GUCY1A2: variants seen among roughly 807,000 people sequenced by gnomAD.
GUCY1A2 encodes guanylate cyclase soluble subunit alpha-2.
A neutral mutation model predicts 63.5 loss-of-function variants in GUCY1A2; 27 were observed. The ratio of observed to expected loss-of-function variants is 0.43; its 90% CI spans 0.31 to 0.59. GUCY1A2 has a LOEUF of 0.59. Among genes scored for constraint, GUCY1A2 ranks in the 20% least tolerant of loss-of-function variants. The probability of loss-of-function intolerance (pLI) is 0.11; values close to 1 mark genes in which losing one functional copy is unlikely to be tolerated. For missense variants in GUCY1A2, 768 were observed against 913.3 expected (o/e 0.84, Z 2.05); for synonymous variants, 364 against 343.5 (o/e 1.06, Z -0.66).
chr11:106,769,163 G>A (rs1864213048), intron 6 of GUCY1A2, among the ~76,000 whole-genome samples: 1 of 152,070 alleles, frequency 6.6e-6, no homozygotes, highest in South Asian at 2.1e-4. Context: ...TAGTCACACA[G>A]GAAACAAGTA....
At chr11:106,769,651 C>T (rs1864221575) in intron 6 of GUCY1A2, among the ~76,000 whole-genome samples, 1 of 152,056 alleles carries the variant, frequency 6.6e-6, no homozygotes. Context: ...TCACCAGTAA[C>T]ATTATACGGT....
At chr11:106,964,775 C>G (rs569412136) in intron 3 of GUCY1A2, among the ~76,000 whole-genome samples, 1 of 152,098 alleles carries the variant, frequency 6.6e-6, no homozygotes, top group Non-Finnish European at 1.5e-5. Context: ...GTCAGGAGAT[C>G]GAGACCATCC....
intron 6 of GUCY1A2, among the ~76,000 whole-genome samples, chr11:106,747,063 C>A (rs571593508): frequency 6.6e-6 from 1 of 152,302 alleles, no homozygotes; most frequent in African/African-American, 2.4e-5. Context: ...TCTTGGCTCA[C>A]TGCAAGCTCC....
At chr11:106,750,830 G>A (rs1472922820) in intron 6 of GUCY1A2, among the ~76,000 whole-genome samples, 1 of 149,430 alleles carries the variant, frequency 6.7e-6, no homozygotes, top group Non-Finnish European at 1.5e-5. Context: ...CTTTTCTCTT[G>A]CGAAATCTTT....
intron 4 of GUCY1A2, among the ~76,000 whole-genome samples, chr11:106,870,357 T>G (rs946882710): frequency 1.3e-5 from 2 of 152,126 alleles, no homozygotes; most frequent in African/African-American, 4.8e-5. Flanking sequence ...TGAATTTGAT[T>G]AGTTTTGTGG....
chr11:106,693,662 T>A (rs576301246), intron 7 of GUCY1A2, among the ~76,000 whole-genome samples: 1 of 152,280 alleles, frequency 6.6e-6, no homozygotes, highest in East Asian at 1.9e-4. Flanking sequence ...TTTTCCTTTT[T>A]CTCGAATTAT....
intron 3 of GUCY1A2, among the ~76,000 whole-genome samples, chr11:106,941,781 G>A (rs1235064434): frequency 6.6e-6 from 1 of 152,194 alleles, no homozygotes; most frequent in African/African-American, 2.4e-5. Flanking sequence ...AAAACTTCTG[G>A]TAGCCAAGAA....
intron 4 of GUCY1A2, among the ~76,000 whole-genome samples, chr11:106,906,577 G>A (rs1042921059): frequency 2.6e-5 from 4 of 151,954 alleles, no homozygotes; most frequent in Admixed American, 6.6e-5. Context: ...CCAGAAATCC[G>A]GTTACTGGGT....
chr11:106,770,815 T>A (rs1395377165), intron 6 of GUCY1A2, among the ~76,000 whole-genome samples: 2 of 130,748 alleles, frequency 1.5e-5, no homozygotes, highest in African/African-American at 2.9e-5. Context: ...GCAGTAATAC[T>A]AATGTGTTTA....
At chr11:106,821,620 C>G (rs1858904240) in intron 4 of GUCY1A2, among the ~76,000 whole-genome samples, 1 of 152,074 alleles carries the variant, frequency 6.6e-6, no homozygotes, top group South Asian at 2.1e-4. Context: ...AAATTCTACA[C>G]TTTTTTCAAG....
At chr11:106,986,260 C>A in intron 1 of GUCY1A2, 129 bp from the exon 2 acceptor site, 4 of 554,368 alleles carry the variant, frequency 7.2e-6, no homozygotes, top group South Asian at 5.3e-5. Context: ...CAGTATTAAC[C>A]CATTTTGCAT....
At chr11:106,982,329 G>A (rs1384640098) in intron 2 of GUCY1A2, among the ~76,000 whole-genome samples, 2 of 152,114 alleles carry the variant, frequency 1.3e-5, no homozygotes, top group African/African-American at 4.8e-5. Flanking sequence ...AATCCTGCCT[G>A]TCTGCTACTG....
Position 106,917,940 on chromosome 11 carries a change from T to TA in GUCY1A2, c.1206+21519dup, listed in dbSNP as rs1323217617. Among the ~76,000 whole-genome samples, 366 of 104,252 alleles carry TA rather than the reference T, an allele frequency of 3.5e-3. 12 individuals carry two copies. Among genetic ancestry groups the TA allele is most frequent in the African/African-American group, 9.1e-3 (272 of 29,840 alleles). The allele number at this position is 104,252 out of a possible 152,430, so 68.4% of individuals were successfully genotyped here. ...CACAGGTACCCTAAAACTTAAAGTA[T>TA]AAAAAAAAAAAAAAGAAATTAGCAA... is the stretch of plus-strand genomic sequence containing the variant. On this transcript the variant is annotated intron_variant, in intron 4 of 7. Transcript: ENST00000526355.
intron 6 of GUCY1A2, chr11:106,746,681 G>C (rs753528948): frequency 6.6e-6 from 8 of 1,207,114 alleles, no homozygotes; most frequent in Non-Finnish European, 9.5e-6. Context: ...TGAATCAAGG[G>C]ACAAAAATAA....
chr11:106,907,327 T>C (rs921763161), intron 4 of GUCY1A2, among the ~76,000 whole-genome samples: 1 of 152,118 alleles, frequency 6.6e-6, no homozygotes, highest in Non-Finnish European at 1.5e-5. Flanking sequence ...TATTTTTCTC[T>C]GATGTCTTTT....
At chr11:106,943,570 T>C (rs576178161) in intron 3 of GUCY1A2, among the ~76,000 whole-genome samples, 18 of 152,334 alleles carry the variant, frequency 1.2e-4, no homozygotes, top group African/African-American at 4.3e-4. Flanking sequence ...CCACCTCAGA[T>C]GGCATTTCTT....
At chr11:106,967,137 C>A (rs1861136325) in intron 3 of GUCY1A2, among the ~76,000 whole-genome samples, 1 of 152,130 alleles carries the variant, frequency 6.6e-6, no homozygotes, top group Admixed American at 6.5e-5. Context: ...GAGTAACTCA[C>A]AAGAGTCAGG....
At position 106,674,155 on chromosome 11, in the gene GUCY1A2, C is replaced by A. The variant is rs1862307529; in HGVS notation, c.*13394G>T. 1 of 183,472 alleles carries A rather than the reference C, an allele frequency of 5.5e-6. No homozygotes were observed. The highest frequency in any genetic ancestry group is 6.2e-5 in the Admixed American group (1 of 16,028). 11.4% of individuals were successfully genotyped at this position (183,472 alleles called of 1,614,324 possible). ...ATATAACACAGAACTATCATTTCCA[C>A]TTTGTTTTATAAGAATCCCACGTTT... On this transcript the variant is annotated 3_prime_UTR_variant, in exon 8 of 8. Coordinates refer to ENST00000526355, the MANE Select transcript of GUCY1A2 (RefSeq NM_000855.3).
chr11:106,926,268 A>C (rs566144027), intron 4 of GUCY1A2, among the ~76,000 whole-genome samples: 80 of 152,018 alleles, frequency 5.3e-4, no homozygotes, highest in Non-Finnish European at 9.6e-4. Context: ...ACTACTACTA[A>C]TAACAATAAT....
Sources: allele counts gnomAD v4.1 joint callset (sites outside exome capture counted in the v4.1 genomes callset), GRCh38; gene constraint gnomAD v4.1.1; transcripts MANE v1.5; gene names NCBI Gene and HGNC (gene_info 2026-07-23, HGNC 2026-07-21).